Variants in UBE2W observed in about 807,000 individuals in gnomAD.
The protein encoded by UBE2W is ubiquitin-conjugating enzyme E2 W.
In UBE2W, 18 loss-of-function variants were observed where a neutral mutation model predicts 27.2. The ratio of observed to expected loss-of-function variants is 0.66; its 90% CI spans 0.46 to 0.98. UBE2W has a LOEUF of 0.98. UBE2W is among the 50% of genes least tolerant of loss of function. The probability of loss-of-function intolerance (pLI) is 0.00; values close to 1 mark genes in which losing one functional copy is unlikely to be tolerated. For missense variants in UBE2W, 90 were observed against 180.2 expected (o/e 0.50, Z 2.87); for synonymous variants, 53 against 57.2 (o/e 0.93, Z 0.33).
intron 3 of UBE2W, among the ~76,000 whole-genome samples, chr8:73,821,986 A>G (rs1809632494): frequency 6.6e-6 from 1 of 152,198 alleles, no homozygotes; most frequent in Admixed American, 6.5e-5. Flanking sequence ...ATACATTTCA[A>G]TCCCTCTATC....
rs1808074524 is a variant in UBE2W at position 73,788,865 on chromosome 8, T to C, written c.*5237A>G. On this transcript the variant is annotated 3_prime_UTR_variant, in exon 6 of 6. Coordinates refer to ENST00000602593, the MANE Select transcript of UBE2W (RefSeq NM_018299.6). The stretch of plus-strand genomic sequence containing the variant: ...CCCAGTCAACTCCTCACTCACCATA[T>C]TAAAACTGGAGTTCTTGAGGTATGT... 1 of 985,244 alleles carries C rather than the reference T, an allele frequency of 1.0e-6. No homozygotes were observed. Among genetic ancestry groups the C allele is most frequent in the African/African-American group, 1.7e-5 (1 of 57,204 alleles). 61.0% of individuals were successfully genotyped at this position (985,244 alleles called of 1,614,324 possible).
intron 1 of UBE2W, among the ~76,000 whole-genome samples, chr8:73,846,460 A>T (rs560596410): frequency 6.6e-6 from 1 of 152,296 alleles, no homozygotes; most frequent in East Asian, 1.9e-4. Flanking sequence ...AATTTTTTAG[A>T]TTTAAAAAAA....
chr8:73,805,474 A>AAAAAAAAAAAAAC (rs1563578043), intron 5 of UBE2W, among the ~76,000 whole-genome samples, 177 bp downstream of exon 5: 3 of 144,332 alleles, frequency 2.1e-5, no homozygotes, highest in South Asian at 2.2e-4. Flanking sequence ...AAAAAAAACA[A>AAAAAAAAAAAAAC]AAAAAACTAG....
At chr8:73,868,479 G>A (rs143527175) in intron 1 of UBE2W, among the ~76,000 whole-genome samples, 18 of 152,210 alleles carry the variant, frequency 1.2e-4, no homozygotes, top group African/African-American at 3.9e-4. Context: ...TGTCTTCCCC[G>A]GTTTCTGTGA....
At chr8:73,803,073 T>C (rs1180681470) in intron 5 of UBE2W, among the ~76,000 whole-genome samples, 1 of 145,920 alleles carries the variant, frequency 6.9e-6, no homozygotes, top group Middle Eastern at 3.5e-3. Context: ...AAAAATCAGC[T>C]GGGCATGGTG....
chr8:73,820,777 AAAC>A (rs751994284), intron 3 of UBE2W, among the ~76,000 whole-genome samples: 5,403 of 151,202 alleles, frequency 0.036, 295 homozygotes, highest in African/African-American at 0.12. Flanking sequence ...ACAAACAAAC[AAAC>A]AAAAAAACAA....
At chr8:73,800,311 T>C (rs1019026602) in intron 5 of UBE2W, among the ~76,000 whole-genome samples, 2 of 152,200 alleles carry the variant, frequency 1.3e-5, no homozygotes, top group African/African-American at 2.4e-5. Context: ...AACAAAGTTG[T>C]CCCTTAAAAG....
intron 1 of UBE2W, chr8:73,831,198 C>A: frequency 2.3e-6 from 1 of 438,838 alleles, no homozygotes. Context: ...GGTGGCTTTC[C>A]TGGAGAATCT....
At chr8:73,850,752 A>C (rs1447677727) in intron 1 of UBE2W, among the ~76,000 whole-genome samples, 1 of 117,416 alleles carries the variant, frequency 8.5e-6, no homozygotes, top group Non-Finnish European at 1.8e-5. Flanking sequence ...AAAAAAAAAC[A>C]GGACACAGAA....
intron 1 of UBE2W, among the ~76,000 whole-genome samples, chr8:73,866,492 G>C (rs1436179671): frequency 2.7e-5 from 4 of 150,700 alleles, no homozygotes; most frequent in African/African-American, 9.7e-5. Context: ...TGGAAAACAA[G>C]CTGCCATATT....
At chr8:73,820,399 T>C (rs919850714) in intron 3 of UBE2W, among the ~76,000 whole-genome samples, 1 of 152,136 alleles carries the variant, frequency 6.6e-6, no homozygotes, top group Non-Finnish European at 1.5e-5. Flanking sequence ...TCAATGGATA[T>C]TAGAATATAC....
intron 1 of UBE2W, among the ~76,000 whole-genome samples, chr8:73,865,239 C>T (rs1263637648): frequency 2.2e-5 from 2 of 91,714 alleles, no homozygotes; most frequent in South Asian, 8.1e-4. Flanking sequence ...GGGTTACAAA[C>T]AAATGTTACG....
intron 1 of UBE2W, among the ~76,000 whole-genome samples, chr8:73,859,758 C>G (rs1004647975): frequency 7.9e-5 from 12 of 152,232 alleles, no homozygotes; most frequent in Admixed American, 4.6e-4. Flanking sequence ...TTAGAAGAAT[C>G]TGAAGTAAAG....
downstream of UBE2W, among the ~76,000 whole-genome samples, chr8:73,784,165 A>C (rs1190117698): frequency 6.6e-6 from 1 of 151,740 alleles, no homozygotes; most frequent in African/African-American, 2.4e-5. Flanking sequence ...TCCCACCTTT[A>C]CCTGGCAAAT....
chr8:73,849,487 G>T (rs538962251), intron 1 of UBE2W, among the ~76,000 whole-genome samples: 1 of 129,200 alleles, frequency 7.7e-6, no homozygotes, highest in Non-Finnish European at 1.5e-5. Context: ...ACTCCAGCCT[G>T]GGCAACAAGA....
Position 73,825,200 on chromosome 8 carries a change from T to C in UBE2W, c.157A>G (p.Lys53Glu). 6.4e-7 allele frequency: 1 copy of C among 1,564,382 alleles called. No individual in the cohort carries two copies. Among genetic ancestry groups the C allele is most frequent in the Non-Finnish European group, 8.7e-7 (1 of 1,152,934 alleles). Residue 53 changes from lysine to glutamate, a missense_variant, in exon 3 of 6, where the codon AAA becomes GAA. Physicochemically the swap from Lys to Glu is moderately conservative, Grantham distance 56. Coordinates refer to ENST00000602593, the MANE Select transcript of UBE2W (RefSeq NM_018299.6). ...CTAAATTTAAATAGAAGTTGAAATT[T>C]TTCCCCTTCATATAAGGTACCTGGT... ...GAPGTLYEGE[K>E]FQLLFKFSSR...
intron 1 of UBE2W, among the ~76,000 whole-genome samples, chr8:73,850,624 G>A (rs1476928577): frequency 2.1e-5 from 3 of 145,776 alleles, no homozygotes; most frequent in African/African-American, 7.5e-5. Flanking sequence ...AAAATATATT[G>A]TTTAAAGTAA....
chr8:73,871,532 C>T (rs1326343764), intron 1 of UBE2W, among the ~76,000 whole-genome samples: 2 of 152,164 alleles, frequency 1.3e-5, no homozygotes, highest in Admixed American at 1.3e-4. Flanking sequence ...TGAAGTTTTA[C>T]AAAAGCAGCT....
chr8:73,862,350 G>C (rs61652421), intron 1 of UBE2W, among the ~76,000 whole-genome samples: 5,166 of 152,222 alleles, frequency 0.034, 258 homozygotes, highest in African/African-American at 0.11. Flanking sequence ...GTAAGGAAGG[G>C]ATCCAGTTTC....
Sources: allele counts gnomAD v4.1 joint callset (sites outside exome capture counted in the v4.1 genomes callset), GRCh38; gene constraint gnomAD v4.1.1; transcripts MANE v1.5; gene names NCBI Gene and HGNC (gene_info 2026-07-23, HGNC 2026-07-21).